The following GRIK4 variants were observed in gnomAD, a reference collection of about 807,000 sequenced individuals.
GRIK4 encodes the protein glutamate receptor ionotropic, kainate 4.
Under a neutral mutation model 104.9 loss-of-function variants are expected in GRIK4, and 40 were observed. The ratio of observed to expected loss-of-function variants is 0.38; its 90% confidence interval spans 0.30 to 0.50. The LOEUF is 0.50. GRIK4 is among the 20% of genes least tolerant of loss of function. The pLI is 0.93. For missense variants in GRIK4, 1,047 were observed against 1,308.1 expected, an observed-to-expected ratio of 0.80 and a Z score of 3.08; for synonymous variants, 485 against 524.9, an observed-to-expected ratio of 0.92 and a Z score of 1.04.
At chr11:120,867,875 A>T (rs1954468789) in intron 9 of GRIK4, 1 of 152,196 alleles carries the variant, frequency 6.6e-6, no homozygotes, top group Admixed American at 6.5e-5. Flanking sequence ...AAAATCCTGG[A>T]AAATCATTAA....
intron 8 of GRIK4, among the ~76,000 whole-genome samples, chr11:120,853,318 A>G (rs983994334): frequency 3.3e-5 from 5 of 152,124 alleles, no homozygotes; most frequent in African/African-American, 9.7e-5. Context: ...GTGAGGGGGA[A>G]GTTCATGATC....
Position 120,524,907 on chromosome 11 carries a change from C to T in GRIK4, c.-159+13020C>T, listed in dbSNP as rs545987025. On this transcript the variant is annotated intron_variant, in intron 1 of 20. Transcript: ENST00000527524. The surrounding 1 kb of genome is among the most constrained non-coding windows in gnomAD (Gnocchi z 4.5). ...TGTGTGGGGATGACAGAGGTCCCTGCGGTCTGCAGGGTGAGCTGAGGTCCT... is the reference window on the plus strand; with the variant it reads ...TGTGTGGGGATGACAGAGGTCCCTGTGGTCTGCAGGGTGAGCTGAGGTCCT... Among the ~76,000 whole-genome samples, 78 of 152,302 alleles carry T rather than the reference C, an allele frequency of 5.1e-4. No individual in the cohort carries two copies. Among genetic ancestry groups the T allele is most frequent in the African/African-American group, 1.7e-3 (70 of 41,570 alleles).
At chr11:120,635,424 G>A (rs1457805844) in intron 1 of GRIK4, among the ~76,000 whole-genome samples, 1 of 152,210 alleles carries the variant, frequency 6.6e-6, no homozygotes, top group East Asian at 1.9e-4. Context: ...TGACATTCAG[G>A]GAGCTCAGGG....
At chr11:120,815,644 G>C (rs1227969967) in intron 5 of GRIK4, among the ~76,000 whole-genome samples, 169 bp downstream of exon 5, 3 of 152,182 alleles carry the variant, frequency 2.0e-5, no homozygotes, top group Non-Finnish European at 4.4e-5. Flanking sequence ...CCCTGCTCCA[G>C]GATGTTTGCA....
intron 3 of GRIK4, among the ~76,000 whole-genome samples, chr11:120,792,062 C>A (rs1201986482): frequency 2.0e-5 from 3 of 152,072 alleles, no homozygotes; most frequent in Non-Finnish European, 4.4e-5. Context: ...GATGGGCGTA[C>A]ATTATAGGAT....
intron 13 of GRIK4, among the ~76,000 whole-genome samples, chr11:120,937,114 T>G (rs910100711): frequency 6.6e-6 from 1 of 152,222 alleles, no homozygotes; most frequent in African/African-American, 2.4e-5. Context: ...CTCAGCTCAC[T>G]GCAACCTCCA....
At chr11:120,743,643 T>C (rs1458071763) in intron 3 of GRIK4, among the ~76,000 whole-genome samples, 1 of 152,168 alleles carries the variant, frequency 6.6e-6, no homozygotes, top group Non-Finnish European at 1.5e-5. Context: ...AAAGAAGACC[T>C]GGGTTCAAAT....
chr11:120,971,452 T>A (rs1944474119), intron 19 of GRIK4, among the ~76,000 whole-genome samples: 1 of 152,202 alleles, frequency 6.6e-6, no homozygotes, highest in Admixed American at 6.5e-5. Context: ...TATCTTATGA[T>A]TGTTTCCTTT....
chr11:120,859,754 AG>A, intron 8 of GRIK4, among the ~76,000 whole-genome samples: 1 of 152,378 alleles, frequency 6.6e-6, no homozygotes, highest in Admixed American at 6.5e-5. Flanking sequence ...TTAGAGAGAT[AG>A]GAGATAATAT....
At chr11:120,822,507 C>A (rs1953154068) in intron 6 of GRIK4, among the ~76,000 whole-genome samples, 1 of 152,100 alleles carries the variant, frequency 6.6e-6, no homozygotes, top group Admixed American at 6.5e-5. Context: ...CTGTGATGAC[C>A]AAAGCAGTAG....
At chr11:120,558,017 C>CAAAAAAAAA (rs59960959) in intron 1 of GRIK4, among the ~76,000 whole-genome samples, 2 of 39,588 alleles carry the variant, frequency 5.1e-5, no homozygotes, top group Non-Finnish European at 1.1e-4. Flanking sequence ...GACTCCGTCT[C>CAAAAAAAAA]AAAAAAAAAA....
At chr11:120,934,036 C>G (rs1009704993) in intron 13 of GRIK4, among the ~76,000 whole-genome samples, 2 of 151,976 alleles carry the variant, frequency 1.3e-5, no homozygotes, top group African/African-American at 4.8e-5. Context: ...AACCCCATCT[C>G]TACTAAAAAT....
intron 3 of GRIK4, among the ~76,000 whole-genome samples, chr11:120,711,884 T>C (rs969445743): frequency 1.3e-5 from 2 of 152,204 alleles, no homozygotes; most frequent in African/African-American, 2.4e-5. Flanking sequence ...ATGAAAAGCT[T>C]GGAAGTCCTA....
Position 120,952,502 on chromosome 11 carries a change from T to C in GRIK4, c.1591-353T>C, listed in dbSNP as rs1261248656. Reference sequence around the variant, plus strand: ...ATTCAGCAATGCAGACAGCAGCAGCTCAAAGGTGCTTCCTGAGTCCATCCT... The same window carrying C: ...ATTCAGCAATGCAGACAGCAGCAGCCCAAAGGTGCTTCCTGAGTCCATCCT... On this transcript the variant is annotated intron_variant, in intron 14 of 20. Coordinates refer to ENST00000527524, the MANE Select transcript of GRIK4 (RefSeq NM_014619.5). This position sits in a 1 kb window ranked among gnomAD's most constrained non-coding sequence, Gnocchi z 5.2. Among the ~76,000 whole-genome samples the C allele has an allele frequency of 6.6e-6, 1 of 152,074 alleles. No individual in the cohort carries two copies. The highest frequency in any genetic ancestry group is 2.4e-5 in the African/African-American group (1 of 41,406).
intron 1 of GRIK4, among the ~76,000 whole-genome samples, chr11:120,558,714 A>G (rs757528993): frequency 6.6e-6 from 1 of 152,270 alleles, no homozygotes; most frequent in African/African-American, 2.4e-5. Flanking sequence ...ATGGAAAATT[A>G]ACAAAGTGAG....
At chr11:120,620,016 T>C in intron 1 of GRIK4, 1 of 556,040 alleles carries the variant, frequency 1.8e-6, no homozygotes, top group Non-Finnish European at 3.3e-6. Context: ...GTGGAGCTGT[T>C]AGCGTAGTGA....
intron 12 of GRIK4, among the ~76,000 whole-genome samples, chr11:120,900,529 A>G (rs952275366): frequency 1.3e-5 from 2 of 151,072 alleles, no homozygotes; most frequent in South Asian, 2.1e-4. Flanking sequence ...TGTGTGATAG[A>G]CAGTAAAAAG....
chr11:120,667,799 C>T (rs966918619), intron 3 of GRIK4, among the ~76,000 whole-genome samples: 6 of 152,218 alleles, frequency 3.9e-5, no homozygotes, highest in African/African-American at 4.8e-5. Context: ...CAGATGTGCA[C>T]GCAGTGGCAA....
intron 1 of GRIK4, among the ~76,000 whole-genome samples, chr11:120,587,551 T>G (rs1477203982): frequency 6.6e-6 from 1 of 152,202 alleles, no homozygotes; most frequent in East Asian, 1.9e-4. Flanking sequence ...TAGTTATTAT[T>G]ATCATGATGT....
Sources: allele counts gnomAD v4.1 joint callset (sites outside exome capture counted in the v4.1 genomes callset), GRCh38; gene constraint gnomAD v4.1.1; non-coding constraint Gnocchi (gnomAD v3.1); transcripts MANE v1.5; gene names NCBI Gene and HGNC (gene_info 2026-07-23, HGNC 2026-07-21).